Variants in PCNX1 observed in about 807,000 individuals in gnomAD.
The protein encoded by PCNX1 is pecanex 1.
Under a neutral mutation model 242.2 loss-of-function variants are expected in PCNX1, and 78 were observed. The observed-to-expected ratio is 0.32, with a 90% CI of 0.27 to 0.39. PCNX1 has a LOEUF of 0.39. PCNX1 is among the 10% of genes least tolerant of loss of function. The pLI, the probability that PCNX1 is intolerant of heterozygous loss-of-function variation, is 1.00. For missense variants in PCNX1, 2,581 were observed against 2,856.5 expected (o/e 0.90, Z 2.20); for synonymous variants, 1,024 against 1,032.9 (o/e 0.99, Z 0.17).
At chr14:70,989,542 T>TTA (rs1160852148) in intron 7 of PCNX1, among the ~76,000 whole-genome samples, 1 of 147,526 alleles carries the variant, frequency 6.8e-6, no homozygotes, top group Non-Finnish European at 1.5e-5. Context: ...AAATTTTTTT[T>TTA]TTTTTTTTTT....
intron 2 of PCNX1, among the ~76,000 whole-genome samples, chr14:70,948,102 G>A (rs997489115): frequency 4.6e-5 from 7 of 152,136 alleles, no homozygotes; most frequent in African/African-American, 1.4e-4. Context: ...TGTGCATAGC[G>A]GGACAGTGAA....
At chr14:70,980,607 T>C (rs148292613) in intron 6 of PCNX1, among the ~76,000 whole-genome samples, 4 of 152,254 alleles carry the variant, frequency 2.6e-5, no homozygotes, top group Admixed American at 1.3e-4. Flanking sequence ...TAACTAAATA[T>C]AGGGGTTTTG....
At chr14:71,045,110 A>T (rs571569614) in intron 19 of PCNX1, 23 bp from the exon 20 acceptor site, 12 of 1,493,782 alleles carry the variant, frequency 8.0e-6, no homozygotes, top group Middle Eastern at 1.8e-4. Flanking sequence ...TCCTAATTTT[A>T]TCACTTCTAT....
chr14:70,927,795 C>A (rs2056648202), intron 1 of PCNX1, among the ~76,000 whole-genome samples: 1 of 152,064 alleles, frequency 6.6e-6, no homozygotes, highest in African/African-American at 2.4e-5. Context: ...ACCATGTTGG[C>A]CAGACTGGTC....
intron 30 of PCNX1, among the ~76,000 whole-genome samples, chr14:71,091,212 G>A (rs2062120953): frequency 6.6e-6 from 1 of 152,128 alleles, no homozygotes; most frequent in African/African-American, 2.4e-5. Flanking sequence ...GCCATATATT[G>A]ATCGTCACTT....
chr14:71,033,743 T>C (rs941721151), intron 17 of PCNX1, among the ~76,000 whole-genome samples, 188 bp from the exon 18 acceptor site: 2 of 152,210 alleles, frequency 1.3e-5, no homozygotes, highest in Non-Finnish European at 2.9e-5. Flanking sequence ...TTATTGAAAC[T>C]ATGTTTTAAT....
chr14:71,051,870 A>C lies in PCNX1; in HGVS notation c.4448-13A>C. The C allele has an allele frequency of 6.2e-7, 1 of 1,609,740 alleles. No individual in the cohort carries two copies. The highest frequency in any genetic ancestry group is 8.5e-7 in the Non-Finnish European group (1 of 1,178,496). ...CAGATGAATGTCAGTGTCCTTAACT[A>C]GTTTTCCCATAGATTCAGCCATGCT... is the stretch of plus-strand genomic sequence containing the variant. On this transcript the variant is annotated splice_polypyrimidine_tract_variant and intron_variant, in intron 23 of 35. Transcript: ENST00000304743.
rs371155425 is a variant in PCNX1, at chr14:70,914,400, CA to C, written c.153+6404del. Among the ~76,000 whole-genome samples the C allele has an allele frequency of 4.1e-3, 627 of 151,992 alleles. 5 individuals are homozygous for C. The highest frequency in any genetic ancestry group is 0.014 in the African/African-American group (566 of 41,474). ...ATTTGTAGAAAAGTGTATTAATTTA[CA>C]AAAAAAGCAGTTGATTTATAAAATG... On this transcript the variant is annotated intron_variant, in intron 1 of 35. Coordinates refer to ENST00000304743, the MANE Select transcript of PCNX1 (RefSeq NM_014982.3).
Position 70,977,317 on chromosome 14 carries a change from A to G in PCNX1, c.980A>G (p.Glu327Gly). 1 of 1,614,194 alleles carries G rather than the reference A, an allele frequency of 6.2e-7. No homozygotes were observed. The highest frequency in any genetic ancestry group is 8.5e-7 in the Non-Finnish European group (1 of 1,180,024). Residue 327 changes from glutamate (E) to glycine (G), a missense_variant, in exon 6 of 36, where the codon GAA (glutamate) becomes GGA (glycine). By Grantham distance (98) the Glu-to-Gly change is moderately conservative (BLOSUM62 -2). Transcript: ENST00000304743. ...ESSKPLSGSKESLVENSGLSG... is the reference protein window; with the variant it reads ...ESSKPLSGSKGSLVENSGLSG... ...TCCAAGCCTCTTTCTGGATCCAAAGAATCCTTGGTGGAAAATTCTGGTTTA... is the reference window on the plus strand; with the variant it reads ...TCCAAGCCTCTTTCTGGATCCAAAGGATCCTTGGTGGAAAATTCTGGTTTA...
chr14:70,941,538 C>T (rs1008999958), intron 1 of PCNX1, among the ~76,000 whole-genome samples: 3 of 152,292 alleles, frequency 2.0e-5, no homozygotes, highest in East Asian at 1.9e-4. Context: ...TCAGTCGACC[C>T]GTACTGGGAG....
intron 1 of PCNX1, among the ~76,000 whole-genome samples, chr14:70,931,303 A>G (rs531775320): frequency 2.6e-5 from 4 of 152,230 alleles, no homozygotes; most frequent in Admixed American, 6.5e-5. Flanking sequence ...CTTGAGGCCA[A>G]TTGGCCATCT....
chr14:70,978,687 T>A (rs755562853), intron 6 of PCNX1, 39 bp downstream of exon 6: 1 of 1,526,654 alleles, frequency 6.6e-7, no homozygotes, highest in East Asian at 2.3e-5. Flanking sequence ...TAAGACTCAC[T>A]GCTTTTTCAT....
At chr14:71,011,659 A>T (rs2059824901) in intron 10 of PCNX1, 110 bp downstream of exon 10, 2 of 700,714 alleles carry the variant, frequency 2.9e-6, no homozygotes, top group Admixed American at 3.0e-5. Flanking sequence ...TTACACAAAA[A>T]TTTTTTGAAA....
chr14:70,918,476 A>G (rs1249037083), intron 1 of PCNX1, among the ~76,000 whole-genome samples: 4 of 152,254 alleles, frequency 2.6e-5, no homozygotes, highest in Non-Finnish European at 5.9e-5. Flanking sequence ...GTAAAATCAA[A>G]GATTACTGAT....
At chr14:71,071,719 G>T (rs922151849) in intron 26 of PCNX1, among the ~76,000 whole-genome samples, 3 of 152,160 alleles carry the variant, frequency 2.0e-5, no homozygotes, top group African/African-American at 7.2e-5. Flanking sequence ...CCTGTCTCAG[G>T]TAGTTCTTTA....
At chr14:70,952,394 T>TA (rs2057819439) in intron 2 of PCNX1, among the ~76,000 whole-genome samples, 2 of 152,282 alleles carry the variant, frequency 1.3e-5, no homozygotes, top group South Asian at 4.1e-4. Context: ...CTTCATGACA[T>TA]TCCTCTCCCA....
intron 6 of PCNX1, among the ~76,000 whole-genome samples, chr14:70,986,736 T>A (rs2059013351): frequency 6.6e-6 from 1 of 151,346 alleles, no homozygotes; most frequent in African/African-American, 2.4e-5. Context: ...ACTCTGCTAT[T>A]TTGGCTGAAA....
intron 7 of PCNX1, 104 bp downstream of exon 7, chr14:70,988,803 CCTTT>C (rs1290152883): frequency 2.9e-6 from 4 of 1,374,982 alleles, no homozygotes; most frequent in East Asian, 2.3e-5. Context: ...TTTTTCTTTT[CCTTT>C]CTGTTTCTTT....
In PCNX1 at chr14:71,102,092, G is replaced by C. The variant is rs1692770984; in HGVS notation, c.5692G>C (p.Ala1898Pro). Residue 1898 changes from alanine to proline, a missense_variant, in exon 31 of 36, where the codon GCA (alanine) becomes CCA (proline). Coordinates refer to ENST00000304743, the MANE Select transcript of PCNX1 (RefSeq NM_014982.3). ...CGTAATAGCCCATGAAGGGGACCCT[G>C]CATGGCGGAGTGCAGTACTTGCCAA... ...NLVIAHEGDP[A>P]WRSAVLANSP... 1 of 1,612,916 alleles carries C rather than the reference G, an allele frequency of 6.2e-7. No homozygotes were observed. The highest frequency in any genetic ancestry group is 1.1e-5 in the South Asian group (1 of 91,060).
Sources: allele counts gnomAD v4.1 joint callset (sites outside exome capture counted in the v4.1 genomes callset), GRCh38; gene constraint gnomAD v4.1.1; transcripts MANE v1.5; gene names NCBI Gene and HGNC (gene_info 2026-07-23, HGNC 2026-07-21).